APP: variants seen among roughly 807,000 people sequenced by gnomAD.
APP encodes amyloid-beta precursor protein.
In APP, 31 loss-of-function variants were observed where a neutral mutation model predicts 101.4. The ratio of observed to expected loss-of-function variants is 0.31; its 90% confidence interval spans 0.23 to 0.41. The LOEUF (loss-of-function observed/expected upper bound fraction) is 0.41. APP is among the 10% of genes least tolerant of loss of function. APP has a pLI of 1.00. For missense variants in APP, 839 were observed against 1,003.7 expected (o/e 0.84, Z 2.22); for synonymous variants, 366 against 364.4 (o/e 1.00, Z -0.05).
At chr21:26,125,213 A>G (rs1256062094) in intron 1 of APP, among the ~76,000 whole-genome samples, 2 of 152,208 alleles carry the variant, frequency 1.3e-5, no homozygotes, top group East Asian at 1.9e-4. Context: ...GCCACATTCC[A>G]AAGCAAGCAA....
chr21:25,946,031 C>A lies in APP; in HGVS notation c.1687+8559G>T, dbSNP rs536939860. On this transcript the variant is annotated intron_variant, in intron 13 of 17. Coordinates refer to ENST00000346798, the MANE Select transcript of APP (RefSeq NM_000484.4). ...TGCTGGGACACTGGATATTTATATG[C>A]AAAAGAATAAAGTCAAACCTCTACC... is the stretch of plus-strand genomic sequence containing the variant. 2.4e-5 allele frequency: 9 copies of A among 375,948 alleles called. No individual in the cohort carries two copies. In the East Asian group the frequency reaches 6.0e-4, roughly 25 times the overall value. The allele number at this position is 375,948 out of a possible 1,614,324, so 23.3% of individuals were successfully genotyped here.
chr21:26,088,247 G>T (rs1340554624), intron 3 of APP, among the ~76,000 whole-genome samples: 1 of 152,110 alleles, frequency 6.6e-6, no homozygotes, highest in African/African-American at 2.4e-5. Flanking sequence ...TACAACAACT[G>T]GCACTAGGTA....
chr21:26,149,278 T>C (rs1292301665), intron 1 of APP, among the ~76,000 whole-genome samples: 2 of 152,154 alleles, frequency 1.3e-5, no homozygotes, highest in Non-Finnish European at 2.9e-5. Context: ...AAACATAGTT[T>C]AAACCCAGTC....
chr21:25,973,672 G>A (rs9808811), intron 11 of APP, among the ~76,000 whole-genome samples: 35,137 of 151,946 alleles, frequency 0.23, 4,443 homozygotes, highest in East Asian at 0.43. Flanking sequence ...GCTGGGCATG[G>A]TGGTTCACGC....
rs78958841 is a variant in APP, at chr21:25,917,279, A to G, written c.1688-5317T>C. Among the ~76,000 whole-genome samples the G allele has an allele frequency of 2.6e-5, 4 of 152,030 alleles. No individual in the cohort carries two copies. In the East Asian group the frequency reaches 5.8e-4, roughly 22 times the overall value. On this transcript the variant is annotated intron_variant, in intron 13 of 17. Coordinates refer to ENST00000346798, the MANE Select transcript of APP (RefSeq NM_000484.4). The stretch of plus-strand genomic sequence containing the variant: ...CTGTCTCCAAAAAAAAAAAAAAAAA[A>G]AATGCTTTGAGGATGTATACGAGGC...
chr21:26,170,215 C>T (rs1426490065), intron 1 of APP, among the ~76,000 whole-genome samples: 1 of 152,162 alleles, frequency 6.6e-6, no homozygotes, highest in Non-Finnish European at 1.5e-5. Context: ...TTCCCCCTTC[C>T]CCCCTGTCTG....
Position 26,022,031 on chromosome 21 carries a change from A to G in APP, c.674T>C (p.Val225Ala), listed in dbSNP as rs746313873. Reference protein sequence around the residue: ...TDYADGSEDKVVEVAEEEEVA... With the variant: ...TDYADGSEDKAVEVAEEEEVA... ...TTCTTCCTCCTCTGCTACTTCTACT[A>G]CTTTGTCTTCACTGTGAAGGCAAAC... The change falls in exon 6 of 18, where the codon GTA (valine) becomes GCA (alanine). Residue 225 changes from valine to alanine, a missense_variant. Val to Ala is a moderately conservative substitution (Grantham distance 64, BLOSUM62 0). Transcript: ENST00000346798. 17 of 1,613,910 alleles carry G rather than the reference A, an allele frequency of 1.1e-5. No homozygotes were observed. In the East Asian group the frequency reaches 3.8e-4, roughly 36 times the overall value.
intron 8 of APP, among the ~76,000 whole-genome samples, chr21:25,990,684 A>G (rs2042824463): frequency 6.6e-6 from 1 of 152,186 alleles, no homozygotes. Flanking sequence ...GATAAAGCTG[A>G]TTTCATTTTA....
At position 26,080,928 on chromosome 21, in the gene APP, G is replaced by A. The variant is rs116556169; in HGVS notation, c.355+9015C>T. Among the ~76,000 whole-genome samples the A allele has an allele frequency of 1.6e-3, 246 of 152,068 alleles. 2 individuals carry two copies. The highest frequency in any genetic ancestry group is 5.5e-3 in the African/African-American group (228 of 41,474). On this transcript the variant is annotated intron_variant, in intron 3 of 17. Transcript: ENST00000346798. ...TTTTCATTATTTTTAGGCCTGCAGC[G>A]GACAGTATTTATGGGGAAAAAATGT...
intron 4 of APP, among the ~76,000 whole-genome samples, chr21:26,052,967 AT>A (rs2045896666): frequency 6.6e-6 from 1 of 152,146 alleles, no homozygotes; most frequent in African/African-American, 2.4e-5. Flanking sequence ...AACTGGCCCT[AT>A]TTTTGACTTT....
chr21:26,120,715 TA>T (rs549371098), intron 1 of APP, among the ~76,000 whole-genome samples: 2 of 152,086 alleles, frequency 1.3e-5, no homozygotes, highest in Non-Finnish European at 2.9e-5. Context: ...GCATAGTTTT[TA>T]AAAAAAATTA....
chr21:26,000,312 A>T, intron 6 of APP, 130 bp from the exon 7 acceptor site: 4 of 1,149,176 alleles, frequency 3.5e-6, no homozygotes, highest in Non-Finnish European at 5.1e-6. Flanking sequence ...AGCATCTACC[A>T]AACATTTACT....
chr21:25,936,160 C>A (rs1318445542), intron 13 of APP, among the ~76,000 whole-genome samples: 1 of 152,170 alleles, frequency 6.6e-6, no homozygotes, highest in Non-Finnish European at 1.5e-5. Flanking sequence ...AAAGCCCTAA[C>A]CCTCAAGGGA....
At chr21:26,079,922 G>A (rs1398610491) in intron 3 of APP, among the ~76,000 whole-genome samples, 1 of 152,062 alleles carries the variant, frequency 6.6e-6, no homozygotes, top group African/African-American at 2.4e-5. Context: ...TCAGAAGTTC[G>A]AAACCAGCCT....
chr21:26,036,970 ATG>A (rs146253714), intron 5 of APP, among the ~76,000 whole-genome samples: 25 of 148,150 alleles, frequency 1.7e-4, no homozygotes, highest in African/African-American at 4.7e-4. Flanking sequence ...AGAAAATGTG[ATG>A]TGTGTGTGTG....
chr21:25,913,025 A>G (rs1178123295), intron 13 of APP, among the ~76,000 whole-genome samples: 1 of 152,220 alleles, frequency 6.6e-6, no homozygotes, highest in East Asian at 1.9e-4. Context: ...CTGTGTCAAG[A>G]GTTTGCTGTA....
chr21:25,977,316 G>C (rs1481459178), intron 9 of APP, among the ~76,000 whole-genome samples: 1 of 152,188 alleles, frequency 6.6e-6, no homozygotes, highest in Non-Finnish European at 1.5e-5. Flanking sequence ...CTCTGAACTA[G>C]GTAAAATGAA....
At chr21:26,028,024 G>A (rs899483972) in intron 5 of APP, among the ~76,000 whole-genome samples, 3 of 151,816 alleles carry the variant, frequency 2.0e-5, no homozygotes, top group Non-Finnish European at 2.9e-5. Context: ...GTGAAATTCC[G>A]TCTCTACTAA....
chr21:25,905,154 C>A, intron 14 of APP, 77 bp from the exon 15 acceptor site: 1 of 1,263,756 alleles, frequency 7.9e-7, no homozygotes, highest in South Asian at 1.2e-5. Context: ...CAAACATAGT[C>A]GAGCAGGGAA....
Sources: gnomAD v4.1 joint callset for allele counts (sites outside exome capture counted in the v4.1 genomes callset) on GRCh38, gnomAD v4.1.1 for gene constraint, MANE v1.5 for transcripts, NCBI Gene and HGNC (gene_info 2026-07-23, HGNC 2026-07-21) for gene names.